The following SLC44A2 variants were observed in gnomAD, a reference collection of about 807,000 sequenced individuals.
SLC44A2 encodes the protein choline transporter-like protein 2.
SLC44A2 carries 57 observed loss-of-function variants against 90.8 expected under a neutral mutation model. The ratio of observed to expected loss-of-function variants is 0.63; its 90% CI spans 0.51 to 0.78. The LOEUF (loss-of-function observed/expected upper bound fraction) is 0.78. Ranked by LOEUF, SLC44A2 falls within the 30% of genes least tolerant of loss-of-function variation. SLC44A2 has a pLI of 0.00. For missense variants in SLC44A2, 794 were observed against 919.7 expected, an observed-to-expected ratio of 0.86 and a Z score of 1.77; for synonymous variants, 355 against 360.7, an observed-to-expected ratio of 0.98 and a Z score of 0.18.
At chr19:10,612,968 C>T (rs1259282207) in intron 1 of SLC44A2, among the ~76,000 whole-genome samples, 1 of 152,192 alleles carries the variant, frequency 6.6e-6, no homozygotes, top group African/African-American at 2.4e-5. Flanking sequence ...CTGTGTGGCC[C>T]GAGCAAGCAA....
intron 1 of SLC44A2, 126 bp downstream of exon 1, chr19:10,625,796 G>T (rs2066927040): frequency 2.4e-6 from 2 of 840,386 alleles, no homozygotes; most frequent in Non-Finnish European, 3.2e-6. Context: ...TGCGCCTGGA[G>T]CCTCCCCACC....
intron 10 of SLC44A2, among the ~76,000 whole-genome samples, chr19:10,632,397 A>T (rs1345227103): frequency 1.3e-5 from 2 of 151,764 alleles, no homozygotes; most frequent in Admixed American, 1.3e-4. Flanking sequence ...TCAGCCGGGC[A>T]TGGAGGTGCA....
chr19:10,612,652 G>A (rs987939729), intron 1 of SLC44A2, among the ~76,000 whole-genome samples: 7 of 152,324 alleles, frequency 4.6e-5, no homozygotes, highest in East Asian at 1.9e-4. Context: ...GCCAGTGTCC[G>A]GAAGCTGTGG....
chr19:10,603,920 T>A (rs751522831), intron 1 of SLC44A2, among the ~76,000 whole-genome samples: 2 of 152,138 alleles, frequency 1.3e-5, no homozygotes, highest in African/African-American at 4.8e-5. Flanking sequence ...TGGACAATGA[T>A]ATGATTCACC....
Position 10,634,874 on chromosome 19 carries a change from CT to C in SLC44A2, c.943del (p.Trp315GlyfsTer5). 6.2e-7 allele frequency: 1 copy of C among 1,614,188 alleles called. No homozygotes were observed. Among genetic ancestry groups the C allele is most frequent in the African/African-American group, 1.3e-5 (1 of 75,052 alleles). On this transcript the variant is annotated frameshift_variant, in exon 11 of 22. Coordinates refer to ENST00000335757, the MANE Select transcript of SLC44A2 (RefSeq NM_020428.4). LOFTEE classifies it high-confidence loss of function. ...GGGTGTACCTGCACTTACGGCAGAC[CT>C]GGTTGGCCTTTAGTGAGTCACAGTC... Reference protein sequence around the residue: ...FRVYLHLRQTWLAFMIILSIL... With the variant: ...FRVYLHLRQTXLAFMIILSIL...
intron 1 of SLC44A2, among the ~76,000 whole-genome samples, chr19:10,613,338 C>T (rs2066828732): frequency 6.6e-6 from 1 of 152,000 alleles, no homozygotes; most frequent in Non-Finnish European, 1.5e-5. Context: ...CAACCTCTGC[C>T]TCCTGGGTTC....
upstream of SLC44A2, chr19:10,625,133 CAA>C (rs1005576736): frequency 2.1e-5 from 3 of 142,624 alleles, no homozygotes; most frequent in Non-Finnish European, 1.5e-5. Flanking sequence ...GATCCTGTCT[CAA>C]AAAAAAAAAG....
chr19:10,629,466 C>T (rs564879646), intron 4 of SLC44A2, among the ~76,000 whole-genome samples: 82 of 150,970 alleles, frequency 5.4e-4, no homozygotes, highest in Non-Finnish European at 1.0e-3. Context: ...TTAGTAGAGA[C>T]GGGGTTTCAT....
chr19:10,635,502 C>T lies in SLC44A2; in HGVS notation c.1220C>T (p.Thr407Ile), dbSNP rs749268492. The T allele has an allele frequency of 6.2e-7, 1 of 1,613,892 alleles. No homozygotes were observed. The highest frequency in any genetic ancestry group is 1.1e-5 in the South Asian group (1 of 91,068). The stretch of plus-strand genomic sequence containing the variant: ...AGCCCCTGCCCATTTACTGCGAAAA[C>T]CTGCAACCCAGAGGTGGGCGTCCCC... Reference protein sequence around the residue: ...DDSPCPFTAKTCNPETFPSSN... With the variant: ...DDSPCPFTAKICNPETFPSSN... The change falls in exon 14 of 22, where the codon ACC becomes ATC. Residue 407 changes from threonine (T) to isoleucine (I), a missense_variant. Coordinates refer to ENST00000335757, the MANE Select transcript of SLC44A2 (RefSeq NM_020428.4).
At chr19:10,641,183 A>T (rs1599261119) in intron 20 of SLC44A2, 2 of 355,930 alleles carry the variant, frequency 5.6e-6, no homozygotes, top group Non-Finnish European at 1.1e-5. Flanking sequence ...GCTTGAGCTC[A>T]GGAGTTTGAA....
At chr19:10,625,340 C>T (rs2066921059), upstream of SLC44A2, 2 of 603,562 alleles carry the variant, frequency 3.3e-6, no homozygotes, top group Non-Finnish European at 4.7e-6. Context: ...CGCCCGGTGG[C>T]AGGGTGTTCC....
At chr19:10,618,895 A>G (rs2066877129) in intron 1 of SLC44A2, among the ~76,000 whole-genome samples, 1 of 150,934 alleles carries the variant, frequency 6.6e-6, no homozygotes, top group Non-Finnish European at 1.5e-5. Context: ...ATATACATTC[A>G]GGGCTACTGA....
intron 4 of SLC44A2, among the ~76,000 whole-genome samples, chr19:10,630,066 C>A (rs2066977563): frequency 2.0e-5 from 3 of 152,084 alleles, no homozygotes; most frequent in Non-Finnish European, 4.4e-5. Flanking sequence ...TATAAAATAT[C>A]TTAAAGGAAA....
chr19:10,636,024 G>C (rs894055876), intron 14 of SLC44A2: 2 of 379,752 alleles, frequency 5.3e-6, no homozygotes, highest in African/African-American at 4.2e-5. Context: ...TGATCCACCT[G>C]CCTCTGCCTC....
chr19:10,639,453 G>A (rs1002054794), intron 20 of SLC44A2, among the ~76,000 whole-genome samples: 4 of 152,052 alleles, frequency 2.6e-5, no homozygotes, highest in Admixed American at 2.6e-4. Context: ...GGGGGTCCAG[G>A]TGGTGCCATG....
chr19:10,643,375 C>G lies in SLC44A2; in HGVS notation c.2111C>G (p.Ala704Gly), dbSNP rs115110577. The change falls in exon 22 of 22, where the codon GCG (alanine) becomes GGG (glycine). Residue 704 changes from alanine (A) to glycine (G), a missense_variant. This residue lies in a region of SLC44A2 where 44 missense variants were observed against 43.9 expected (regional missense o/e 1.00). Coordinates refer to ENST00000335757, the MANE Select transcript of SLC44A2 (RefSeq NM_020428.4). ...TTGAACAAGACCAACAAGAAGGCAG[C>G]GGAGTCCTGAAGGCCCCGTGCTCCC... ...KLLNKTNKKA[A>G]ES is the part of the protein sequence containing the mutation. 1 of 1,611,480 alleles carries G rather than the reference C, an allele frequency of 6.2e-7. No homozygotes were observed. The highest frequency in any genetic ancestry group is 8.5e-7 in the Non-Finnish European group (1 of 1,178,600).
chr19:10,635,414 C>T lies in SLC44A2; in HGVS notation c.1149-17C>T, dbSNP rs2067043274. Reference sequence around the variant, plus strand: ...GGTCCTCAGTCCTAGACCTCTGCTTCCTTAACGAACCTCCAGCTTCCTGTC... The same window carrying T: ...GGTCCTCAGTCCTAGACCTCTGCTTTCTTAACGAACCTCCAGCTTCCTGTC... On this transcript the variant is annotated splice_polypyrimidine_tract_variant and intron_variant, in intron 13 of 21. Coordinates refer to ENST00000335757, the MANE Select transcript of SLC44A2 (RefSeq NM_020428.4). 3 of 1,613,956 alleles carry T rather than the reference C, an allele frequency of 1.9e-6. No homozygotes were observed. Among genetic ancestry groups the T allele is most frequent in the Admixed American group, 1.7e-5 (1 of 59,970 alleles).
Position 10,627,805 on chromosome 19 carries a change from G to T in SLC44A2, c.160+10G>T. ...GCTGTAGGCATCATAGGTGAGTAGA[G>T]AATGAGCAGGACTTGGAGTTGCAGG... On this transcript the variant is annotated intron_variant, in intron 3 of 21. Transcript: ENST00000335757. The T allele has an allele frequency of 1.2e-6, 2 of 1,614,118 alleles. No individual in the cohort carries two copies. The highest frequency in any genetic ancestry group is 1.7e-6 in the Non-Finnish European group (2 of 1,180,014).
intron 1 of SLC44A2, among the ~76,000 whole-genome samples, 167 bp downstream of exon 1, chr19:10,625,837 C>T (rs901637197): frequency 7.3e-5 from 11 of 151,192 alleles, no homozygotes; most frequent in Admixed American, 6.6e-4. Flanking sequence ...CCACTTATCC[C>T]CCGCAGCCTC....
Sources: gnomAD v4.1 joint callset for allele counts (sites outside exome capture counted in the v4.1 genomes callset) on GRCh38, gnomAD v4.1.1 for gene constraint, gnomAD v4.1.1 regional missense constraint, MANE v1.5 for transcripts, NCBI Gene and HGNC (gene_info 2026-07-23, HGNC 2026-07-21) for gene names.